The following RAB5B variants were observed in gnomAD, a reference collection of about 807,000 sequenced individuals.
RAB5B encodes ras-related protein Rab-5B.
In RAB5B, 11 loss-of-function variants were observed where a neutral mutation model predicts 28.6. That is an observed-to-expected ratio of 0.38 (90% CI 0.24 to 0.64). RAB5B has a LOEUF of 0.64. Ranked by LOEUF, RAB5B falls within the 30% of genes least tolerant of loss-of-function variation. The pLI, the probability that RAB5B is intolerant of heterozygous loss-of-function variation, is 0.53. For synonymous variants in RAB5B, 93 were observed against 97.9 expected (o/e 0.95, Z 0.29); for missense variants, 169 against 265.6 (o/e 0.64, Z 2.53).
chr12:55,992,473 T>C lies in RAB5B; in HGVS notation c.*261T>C, dbSNP rs140669038. On this transcript the variant is annotated 3_prime_UTR_variant, in exon 6 of 6. Transcript: ENST00000360299. ...AGGACTTACCTTCCAAAACAAACTT[T>C]CTTCACTTTGTATTATAGGTACAAG... 690 of 639,336 alleles carry C rather than the reference T, an allele frequency of 1.1e-3. 3 individuals carry two copies. Among genetic ancestry groups the C allele is most frequent in the African/African-American group, 0.011 (600 of 56,042 alleles). The allele number at this position is 639,336 out of a possible 1,614,324, so 39.6% of individuals were successfully genotyped here.
At position 55,992,545 on chromosome 12, in the gene RAB5B, AT is replaced by A. The variant is rs1297126334; in HGVS notation, c.*339del. 2 of 489,818 alleles carry A rather than the reference AT, an allele frequency of 4.1e-6. No individual in the cohort carries two copies. Among genetic ancestry groups the A allele is most frequent in the East Asian group, 5.7e-5 (1 of 17,434 alleles). The allele number at this position is 489,818 out of a possible 1,614,324, so 30.3% of individuals were successfully genotyped here. A position where few individuals can be genotyped will look rare whatever the true frequency, so the allele number is the denominator to read the frequency against. ...CTCCTCCTCCCTAGTGTTCCTCCCC[AT>A]TTTTTCAGAAAACACTTCTGACTCC... On this transcript the variant is annotated 3_prime_UTR_variant, in exon 6 of 6. Transcript: ENST00000360299.
At chr12:55,991,173 A>G in intron 4 of RAB5B, 187 bp from the exon 5 acceptor site, 1 of 576,920 alleles carries the variant, frequency 1.7e-6, no homozygotes, top group East Asian at 2.9e-5. Flanking sequence ...TGTTGGACTG[A>G]GTGGACATGG....
intron 3 of RAB5B, 178 bp downstream of exon 3, chr12:55,990,276 T>TG (rs1182595946): frequency 5.5e-5 from 35 of 631,476 alleles, no homozygotes; most frequent in Middle Eastern, 9.6e-4. Context: ...GGCGTGGTGG[T>TG]GCGCGCCTGT....
rs369382049 is a variant in RAB5B at position 55,980,923 on chromosome 12, G to A, written c.-92-5946G>A. ...TGAAATCAATTCCGATGGTGGAGAT[G>A]TAAGTGTTGTTGAAGTTGTCCTCTG... On this transcript the variant is annotated intron_variant, in intron 1 of 5. Transcript: ENST00000360299. 4.5e-5 allele frequency: 73 copies of A among 1,613,258 alleles called. 1 individual carries two copies. The South Asian group carries it at 5.2e-4, about 11-fold the overall frequency.
intron 3 of RAB5B, 108 bp from the exon 4 acceptor site, chr12:55,990,574 C>T: frequency 2.1e-6 from 3 of 1,401,418 alleles, no homozygotes; most frequent in Middle Eastern, 1.8e-4. Flanking sequence ...TGTGGTTTCA[C>T]TGAGGGAAGA....
Position 55,996,003 on chromosome 12 carries a change from A to ATATATATATATTTT in RAB5B, c.*3792_*3793insATATATATATTTTT. 2.2e-3 allele frequency: 210 copies of ATATATATATATTTT among 97,336 alleles called. 1 individual carries two copies. The highest frequency in any genetic ancestry group is 3.5e-3 in the Non-Finnish European group (176 of 50,434). 6.0% of individuals were successfully genotyped at this position (97,336 alleles called of 1,614,324 possible). Reference sequence around the variant, plus strand: ...TATATACATATATATATATATATATATTTTTTTTTTAACAACTGGTAGGAT... The same window carrying ATATATATATATTTT: ...TATATACATATATATATATATATATATATATATATATTTTTTTTTTTTTTAACAACTGGTAGGAT... On this transcript the variant is annotated 3_prime_UTR_variant, in exon 6 of 6. Coordinates refer to ENST00000360299, the MANE Select transcript of RAB5B (RefSeq NM_002868.4).
At chr12:55,989,881 G>C (rs112530555) in intron 2 of RAB5B, 66 bp from the exon 3 acceptor site, 129 of 1,532,722 alleles carry the variant, frequency 8.4e-5, no homozygotes, top group Non-Finnish European at 1.1e-4. Flanking sequence ...ATTTTGAAGG[G>C]GGGGAGGGAT....
At chr12:55,978,098 A>G (rs1175808636) in intron 1 of RAB5B, among the ~76,000 whole-genome samples, 1 of 152,258 alleles carries the variant, frequency 6.6e-6, no homozygotes, top group Non-Finnish European at 1.5e-5. Context: ...CAGTTAGCCC[A>G]TGCGAGTTGC....
chr12:55,978,272 G>C (rs1046751682), intron 1 of RAB5B, among the ~76,000 whole-genome samples: 2 of 152,152 alleles, frequency 1.3e-5, no homozygotes, highest in African/African-American at 4.8e-5. Context: ...GGCTGAGGCG[G>C]GTGGATCACG....
rs202003378 is a variant in RAB5B at position 55,990,101 on chromosome 12, A to G, written c.315+3A>G. ...TGGTTTACGACATTACTAATCAGGT[A>G]AGTGAGCTAAGAAGACTGTCCTTGT... is the stretch of plus-strand genomic sequence containing the variant. On this transcript the variant is annotated splice_donor_region_variant and intron_variant, in intron 3 of 5. Coordinates refer to ENST00000360299, the MANE Select transcript of RAB5B (RefSeq NM_002868.4). 2 of 1,611,776 alleles carry G rather than the reference A, an allele frequency of 1.2e-6. No homozygotes were observed. The highest frequency in any genetic ancestry group is 1.3e-5 in the African/African-American group (1 of 75,046).
rs1365255281 is a variant in RAB5B, at chr12:55,996,001, A to ATG, written c.*3790_*3791insGT. On this transcript the variant is annotated 3_prime_UTR_variant, in exon 6 of 6. Coordinates refer to ENST00000360299, the MANE Select transcript of RAB5B (RefSeq NM_002868.4). ...TATATATACATATATATATATATAT[A>ATG]TATTTTTTTTTTAACAACTGGTAGG... 4 of 84,632 alleles carry ATG rather than the reference A, an allele frequency of 4.7e-5. No homozygotes were observed. Among genetic ancestry groups the ATG allele is most frequent in the Non-Finnish European group, 9.5e-5 (4 of 41,934 alleles). The allele number at this position is 84,632 out of a possible 1,614,324, so 5.2% of individuals were successfully genotyped here.
intron 1 of RAB5B, among the ~76,000 whole-genome samples, chr12:55,979,938 C>T (rs1218373689): frequency 6.6e-6 from 1 of 152,262 alleles, no homozygotes; most frequent in East Asian, 1.9e-4. Context: ...GACAAGTTGA[C>T]TAATTTTATT....
intron 1 of RAB5B, among the ~76,000 whole-genome samples, chr12:55,978,469 A>G (rs886614985): frequency 5.3e-5 from 8 of 151,658 alleles, no homozygotes; most frequent in Non-Finnish European, 2.9e-5. Context: ...GCGTCACTGC[A>G]CTCCAGCCTG....
At chr12:55,979,635 T>C (rs1889743999) in intron 1 of RAB5B, among the ~76,000 whole-genome samples, 1 of 152,214 alleles carries the variant, frequency 6.6e-6, no homozygotes, top group Non-Finnish European at 1.5e-5. Context: ...ATAGACCTTC[T>C]AGAAAAGAGT....
chr12:55,990,956 C>T, intron 4 of RAB5B, 152 bp downstream of exon 4: 2 of 1,005,658 alleles, frequency 2.0e-6, no homozygotes, highest in East Asian at 5.1e-5. Flanking sequence ...ACACTGTGAC[C>T]CTAATGACAG....
At chr12:55,976,733 C>T (rs773152834) in intron 1 of RAB5B, among the ~76,000 whole-genome samples, 29 of 152,150 alleles carry the variant, frequency 1.9e-4, no homozygotes, top group Non-Finnish European at 4.0e-4. Flanking sequence ...GTGTGTCTTT[C>T]TGTAGGGATC....
intron 1 of RAB5B, chr12:55,981,040 C>T: frequency 6.2e-7 from 1 of 1,612,804 alleles, no homozygotes; most frequent in Non-Finnish European, 8.5e-7. Context: ...CCATGGCGGA[C>T]ACCGGGGGAG....
chr12:55,980,229 C>A (rs1178478589), intron 1 of RAB5B, among the ~76,000 whole-genome samples: 1 of 152,072 alleles, frequency 6.6e-6, no homozygotes, highest in Non-Finnish European at 1.5e-5. Context: ...TCAATTCATT[C>A]CTCTCCCTTC....
At chr12:55,989,655 G>C (rs1362030424) in intron 2 of RAB5B, among the ~76,000 whole-genome samples, 2 of 152,116 alleles carry the variant, frequency 1.3e-5, no homozygotes, top group Non-Finnish European at 2.9e-5. Context: ...TCCTATTTTG[G>C]TTAGAAGAAG....
Sources: allele counts gnomAD v4.1 joint callset (sites outside exome capture counted in the v4.1 genomes callset), GRCh38; gene constraint gnomAD v4.1.1; transcripts MANE v1.5; gene names NCBI Gene and HGNC (gene_info 2026-07-23, HGNC 2026-07-21).